Variants in KIF16B observed in about 807,000 individuals in gnomAD.
The protein encoded by KIF16B is kinesin-like protein KIF16B.
KIF16B carries 98 observed loss-of-function variants against 156.3 expected under a neutral mutation model. That is an observed-to-expected ratio of 0.63 (90% CI 0.53 to 0.74). KIF16B has a LOEUF of 0.74. Among genes scored for constraint, KIF16B ranks in the 30% least tolerant of loss-of-function variants. The probability of loss-of-function intolerance (pLI) is 0.00; values close to 1 mark genes in which losing one functional copy is unlikely to be tolerated. For missense variants in KIF16B, 1,421 were observed against 1,606.5 expected, an observed-to-expected ratio of 0.88 and a Z score of 1.97; for synonymous variants, 564 against 583.7, an observed-to-expected ratio of 0.97 and a Z score of 0.49.
intron 12 of KIF16B, among the ~76,000 whole-genome samples, chr20:16,488,581 G>C (rs1387870442): frequency 6.6e-6 from 1 of 152,152 alleles, no homozygotes; most frequent in African/African-American, 2.4e-5. Flanking sequence ...ATAAAACATA[G>C]GGGACTTGTA....
At chr20:16,309,120 A>C (rs1214341368) in intron 25 of KIF16B, among the ~76,000 whole-genome samples, 1 of 152,184 alleles carries the variant, frequency 6.6e-6, no homozygotes, top group Non-Finnish European at 1.5e-5. Context: ...AAATCTTCAA[A>C]GATTCTATAG....
At chr20:16,461,590 G>T (rs2067346572) in intron 12 of KIF16B, among the ~76,000 whole-genome samples, 1 of 152,114 alleles carries the variant, frequency 6.6e-6, no homozygotes, top group African/African-American at 2.4e-5. Flanking sequence ...CCACACTGAG[G>T]ATATACAACC....
chr20:16,382,776 A>G (rs1317482692), intron 17 of KIF16B, among the ~76,000 whole-genome samples: 2 of 151,456 alleles, frequency 1.3e-5, no homozygotes, highest in African/African-American at 4.9e-5. Flanking sequence ...CTTGAACTAT[A>G]TAATTCTTAA....
intron 24 of KIF16B, among the ~76,000 whole-genome samples, chr20:16,320,925 T>C (rs2063763547): frequency 6.6e-6 from 1 of 152,176 alleles, no homozygotes; most frequent in Non-Finnish European, 1.5e-5. Flanking sequence ...TTAGAGACAA[T>C]ATATCATGTG....
chr20:16,285,506 T>G (rs1008058205), intron 25 of KIF16B, among the ~76,000 whole-genome samples: 1 of 152,170 alleles, frequency 6.6e-6, no homozygotes, highest in Non-Finnish European at 1.5e-5. Flanking sequence ...TTTTAATGCC[T>G]ACATAAACAA....
intron 17 of KIF16B, among the ~76,000 whole-genome samples, chr20:16,404,344 A>T (rs2065727898): frequency 6.6e-6 from 1 of 152,186 alleles, no homozygotes; most frequent in Admixed American, 6.5e-5. Context: ...AGTCAATTTA[A>T]AACACTCTCA....
At chr20:16,404,708 G>A (rs898696060) in intron 17 of KIF16B, 105 bp downstream of exon 17, 23 of 788,236 alleles carry the variant, frequency 2.9e-5, no homozygotes, top group Admixed American at 8.6e-5. Flanking sequence ...TTGATAAGGA[G>A]GCGCCGTTGC....
At chr20:16,513,051 C>T in intron 4 of KIF16B, 128 bp from the exon 5 acceptor site, 1 of 653,308 alleles carries the variant, frequency 1.5e-6, no homozygotes. Context: ...TACCACAGCC[C>T]ACGCCATATA....
intron 1 of KIF16B, among the ~76,000 whole-genome samples, chr20:16,550,942 G>C (rs545195961): frequency 1.1e-4 from 16 of 152,234 alleles, no homozygotes; most frequent in Non-Finnish European, 1.8e-4. Flanking sequence ...TTTTACATGA[G>C]AGCCTGGATT....
At chr20:16,273,916 C>T (rs2063021329) in intron 25 of KIF16B, among the ~76,000 whole-genome samples, 1 of 152,102 alleles carries the variant, frequency 6.6e-6, no homozygotes, top group Non-Finnish European at 1.5e-5. Flanking sequence ...TGATTCTGGG[C>T]AGCACTGTCT....
intron 12 of KIF16B, among the ~76,000 whole-genome samples, chr20:16,482,072 T>C (rs1312463180): frequency 6.6e-6 from 1 of 152,144 alleles, no homozygotes; most frequent in African/African-American, 2.4e-5. Context: ...AAGTACGAGA[T>C]AAGATGTGAG....
At chr20:16,479,741 T>C (rs532258169) in intron 12 of KIF16B, among the ~76,000 whole-genome samples, 2 of 152,288 alleles carry the variant, frequency 1.3e-5, no homozygotes, top group South Asian at 4.2e-4. Context: ...TCTACAGGTT[T>C]GTAGCCTAGG....
At chr20:16,355,819 C>A (rs1454403397) in intron 23 of KIF16B, among the ~76,000 whole-genome samples, 4 of 152,134 alleles carry the variant, frequency 2.6e-5, no homozygotes, top group African/African-American at 9.7e-5. Context: ...ATAGAAACAA[C>A]AATGAAAATA....
At chr20:16,359,668 A>C (rs34580895) in intron 22 of KIF16B, among the ~76,000 whole-genome samples, 4,794 of 151,866 alleles carry the variant, frequency 0.032, 75 homozygotes, top group African/African-American at 0.04. Context: ...AAAAAAAAAA[A>C]AAAAAACCCT....
At chr20:16,486,441 C>T (rs953995701) in intron 12 of KIF16B, among the ~76,000 whole-genome samples, 1 of 152,092 alleles carries the variant, frequency 6.6e-6, no homozygotes, top group Non-Finnish European at 1.5e-5. Flanking sequence ...GGATGCCCAC[C>T]ACCTCTCATC....
At chr20:16,539,417 G>A (rs936601221) in intron 1 of KIF16B, among the ~76,000 whole-genome samples, 1 of 152,192 alleles carries the variant, frequency 6.6e-6, no homozygotes, top group African/African-American at 2.4e-5. Flanking sequence ...AAAGAACTTG[G>A]CTGCATTGTG....
intron 10 of KIF16B, among the ~76,000 whole-genome samples, chr20:16,498,998 C>T (rs2068538254): frequency 6.6e-6 from 1 of 151,974 alleles, no homozygotes; most frequent in Non-Finnish European, 1.5e-5. Flanking sequence ...GCAGAGCTGG[C>T]CAGAAAGGAG....
chr20:16,487,207 G>A (rs982352369), intron 12 of KIF16B, among the ~76,000 whole-genome samples: 4 of 151,782 alleles, frequency 2.6e-5, no homozygotes, highest in African/African-American at 7.3e-5. Flanking sequence ...AGCCAAGATC[G>A]CGCCACTGCA....
intron 15 of KIF16B, among the ~76,000 whole-genome samples, chr20:16,419,829 T>C (rs1415085623): frequency 6.6e-6 from 1 of 152,256 alleles, no homozygotes; most frequent in Non-Finnish European, 1.5e-5. Flanking sequence ...TTACAATGCA[T>C]CTGACTGTTG....
Sources: allele counts gnomAD v4.1 joint callset (sites outside exome capture counted in the v4.1 genomes callset), GRCh38; gene constraint gnomAD v4.1.1; transcripts MANE v1.5; gene names NCBI Gene and HGNC (gene_info 2026-07-23, HGNC 2026-07-21).